ACAD11: variants seen among roughly 807,000 people sequenced by gnomAD.
ACAD11 encodes acyl-CoA dehydrogenase family member 11.
ACAD11 carries 83 observed loss-of-function variants against 102.2 expected under a neutral mutation model. The observed-to-expected ratio is 0.81, with a 90% CI of 0.68 to 0.97. ACAD11 has a LOEUF of 0.97. ACAD11 is among the 50% of genes least tolerant of loss of function. The pLI, the probability that ACAD11 is intolerant of heterozygous loss-of-function variation, is 0.00. For synonymous variants in ACAD11, 324 were observed against 319.8 expected, an observed-to-expected ratio of 1.01 and a Z score of -0.14; for missense variants, 901 against 951.7, an observed-to-expected ratio of 0.95 and a Z score of 0.70.
chr3:132,617,213 T>C (rs73220103), intron 11 of ACAD11, among the ~76,000 whole-genome samples: 16 of 152,142 alleles, frequency 1.1e-4, no homozygotes, highest in Non-Finnish European at 2.1e-4. Context: ...TCAGAGTAAT[T>C]TGAAAAAAAA....
chr3:132,561,028 T>G (rs1286520093), intron 18 of ACAD11, 73 bp downstream of exon 18: 11 of 1,183,876 alleles, frequency 9.3e-6, no homozygotes, highest in Non-Finnish European at 1.4e-5. Context: ...CCATGAAAAC[T>G]GAAATGTCCA....
At chr3:132,571,527 TG>T (rs1559933475) in intron 17 of ACAD11, among the ~76,000 whole-genome samples, 1 of 152,142 alleles carries the variant, frequency 6.6e-6, no homozygotes, top group Non-Finnish European at 1.5e-5. Flanking sequence ...GATCAATTTT[TG>T]CTTTTTTTGT....
intron 11 of ACAD11, among the ~76,000 whole-genome samples, chr3:132,614,340 G>T (rs1939308658): frequency 6.6e-6 from 1 of 152,074 alleles, no homozygotes; most frequent in African/African-American, 2.4e-5. Context: ...ATTTCATATG[G>T]AACCAGAAAA....
intron 18 of ACAD11, among the ~76,000 whole-genome samples, chr3:132,560,215 C>T (rs189021922): frequency 6.6e-6 from 1 of 152,284 alleles, no homozygotes; most frequent in East Asian, 1.9e-4. Context: ...AAATCACACT[C>T]ATCACCTTAG....
chr3:132,585,413 C>G (rs1937766848), intron 13 of ACAD11, among the ~76,000 whole-genome samples: 1 of 152,158 alleles, frequency 6.6e-6, no homozygotes, highest in Non-Finnish European at 1.5e-5. Context: ...CTAGGCAATA[C>G]CATTCAGGAC....
At chr3:132,641,047 A>C (rs933013236) in intron 4 of ACAD11, among the ~76,000 whole-genome samples, 4 of 152,212 alleles carry the variant, frequency 2.6e-5, no homozygotes, top group Admixed American at 2.0e-4. Context: ...GTGAGTATCA[A>C]ACAATTTACC....
intron 1 of ACAD11, among the ~76,000 whole-genome samples, chr3:132,653,714 T>C (rs1322105697): frequency 6.6e-6 from 1 of 152,214 alleles, no homozygotes; most frequent in Non-Finnish European, 1.5e-5. Flanking sequence ...CCATTAATAC[T>C]ACTTTTTCAA....
rs1559984517 is a variant in ACAD11 at position 132,659,566 on chromosome 3, A to AT, written c.149+36dup. On this transcript the variant is annotated intron_variant, in intron 1 of 19. Coordinates refer to ENST00000264990, the MANE Select transcript of ACAD11 (RefSeq NM_032169.5). ...AAAGGAAGGAAAACTCAATGTACAA[A>AT]TTTTTTTCCGCTGGAGGCAAAGGCT... The AT allele has an allele frequency of 5.0e-6, 8 of 1,607,508 alleles. 1 individual carries two copies. The highest frequency in any genetic ancestry group is 4.4e-5 in the South Asian group (4 of 90,000).
chr3:132,564,642 A>G lies in ACAD11; in HGVS notation c.2002-3425T>C, dbSNP rs978052848. On this transcript the variant is annotated intron_variant, in intron 17 of 19. Transcript: ENST00000264990. ...CCTTGGCTCCAGACCCCATTCTCCAATCCATGTTTTCCCAGAGAGCTCTGC... is the reference window on the plus strand; with the variant it reads ...CCTTGGCTCCAGACCCCATTCTCCAGTCCATGTTTTCCCAGAGAGCTCTGC... Among the ~76,000 whole-genome samples, 57 of 152,150 alleles carry G rather than the reference A, an allele frequency of 3.7e-4. 1 individual carries two copies. Among genetic ancestry groups the G allele is most frequent in the Non-Finnish European group, 1.0e-4 (7 of 68,022 alleles).
At chr3:132,559,577 A>G (rs192636592) in intron 19 of ACAD11, among the ~76,000 whole-genome samples, 1 of 152,072 alleles carries the variant, frequency 6.6e-6, no homozygotes, top group Non-Finnish European at 1.5e-5. Context: ...ATTCAGCGAA[A>G]CCCCATGCTG....
chr3:132,646,586 T>C (rs1940726148), intron 1 of ACAD11: 1 of 152,238 alleles, frequency 6.6e-6, no homozygotes, highest in East Asian at 1.9e-4. Context: ...AGTCTGCTTC[T>C]ACATATATAT....
chr3:132,657,921 G>A (rs1321713049), intron 1 of ACAD11, among the ~76,000 whole-genome samples: 1 of 145,182 alleles, frequency 6.9e-6, no homozygotes, highest in Non-Finnish European at 1.5e-5. Flanking sequence ...GGAGCATGGT[G>A]GTGCAATCTT....
rs538453929 is a variant in ACAD11, at chr3:132,577,294, A to G, written c.1775-279T>C. Reference sequence around the variant, plus strand: ...CTAGGAAAAAGGAAGACCAGGCTCCATAGATCCAGCCAGAGTATTTTATTT... The same window carrying G: ...CTAGGAAAAAGGAAGACCAGGCTCCGTAGATCCAGCCAGAGTATTTTATTT... On this transcript the variant is annotated intron_variant, in intron 15 of 19. Transcript: ENST00000264990. Among the ~76,000 whole-genome samples the G allele has an allele frequency of 5.9e-5, 9 of 152,320 alleles. No individual in the cohort carries two copies. In the South Asian group the frequency reaches 1.7e-3, roughly 28 times the overall value.
At chr3:132,600,821 A>C (rs1205139534) in intron 13 of ACAD11, 2 of 1,613,932 alleles carry the variant, frequency 1.2e-6, no homozygotes, top group Non-Finnish European at 1.7e-6. Context: ...TGTGGCAGTA[A>C]CTAAAGTCCC....
intron 9 of ACAD11, among the ~76,000 whole-genome samples, chr3:132,626,045 AACAT>A (rs1939794472): frequency 6.6e-6 from 1 of 152,258 alleles, no homozygotes; most frequent in Admixed American, 6.5e-5. Context: ...TTTTCTTCAC[AACAT>A]TTATCATCTC....
At position 132,642,123 on chromosome 3, in the gene ACAD11, A is replaced by G. The variant is rs779134949; in HGVS notation, c.386T>C (p.Phe129Ser). The stretch of plus-strand genomic sequence containing the variant: ...AAGTCCAGGAATTGTTAAATCACGG[A>G]AGATTCGACCCTATGGAAGTGATTA... ...YVMEHVQGRI[F>S]RDLTIPGLSP... Residue 129 changes from phenylalanine (F) to serine (S), a missense_variant, in exon 4 of 20, where the codon TTC becomes TCC. Coordinates refer to ENST00000264990, the MANE Select transcript of ACAD11 (RefSeq NM_032169.5). 1.9e-6 allele frequency: 3 copies of G among 1,613,774 alleles called. No individual in the cohort carries two copies. The African/African-American group carries it at 4.0e-5, about 22-fold the overall frequency.
rs190949988 is a variant in ACAD11, at chr3:132,605,167, C to A, written c.1453G>T (p.Glu485Ter). 6.2e-7 allele frequency: 1 copy of A among 1,613,534 alleles called. No individual in the cohort carries two copies. Among genetic ancestry groups the A allele is most frequent in the Non-Finnish European group, 8.5e-7 (1 of 1,179,548 alleles). Residue 485 changes from glutamate to a stop codon, truncating the protein, a stop_gained, in exon 12 of 20, where the codon GAG becomes TAG. Transcript: ENST00000264990. LOFTEE classifies it high-confidence loss of function. ...NMEVLHLYGS[E>*]EQKKQWLEPL... Reference sequence around the variant, plus strand: ...TCAAGCCACTGTTTCTTCTGTTCCTCACTTCCATACAGGTGCAGAACCTCC... The same window carrying A: ...TCAAGCCACTGTTTCTTCTGTTCCTAACTTCCATACAGGTGCAGAACCTCC...
chr3:132,618,566 C>T, intron 11 of ACAD11, 68 bp downstream of exon 11: 1 of 1,325,550 alleles, frequency 7.5e-7, no homozygotes, highest in Non-Finnish European at 9.9e-7. Flanking sequence ...ACATTCTTAT[C>T]ATATATAGAA....
chr3:132,559,949 A>G lies in ACAD11; in HGVS notation c.2119-7T>C, dbSNP rs777026457. The G allele has an allele frequency of 4.4e-6, 7 of 1,603,870 alleles. No individual in the cohort carries two copies. The East Asian group carries it at 1.3e-4, about 31-fold the overall frequency. On this transcript the variant is annotated splice_region_variant and splice_polypyrimidine_tract_variant and intron_variant, in intron 18 of 19. Transcript: ENST00000264990. ...CCACTTTGATCATTGCAATCTATAT[A>G]AGCAAAATATGAAAAGAATGCTTCT...
Sources: gnomAD v4.1 joint callset for allele counts (sites outside exome capture counted in the v4.1 genomes callset) on GRCh38, gnomAD v4.1.1 for gene constraint, MANE v1.5 for transcripts, NCBI Gene and HGNC (gene_info 2026-07-23, HGNC 2026-07-21) for gene names.